The following SLC25A48 variants were observed in gnomAD, a reference collection of about 807,000 sequenced individuals.
The protein encoded by SLC25A48 is solute carrier family 25 member 48.
A neutral mutation model predicts 32.2 loss-of-function variants in SLC25A48; 29 were observed. That is an observed-to-expected ratio of 0.90 (90% CI 0.67 to 1.23). SLC25A48 has a LOEUF of 1.23. Among genes scored for constraint, SLC25A48 ranks in the 50% most tolerant of loss-of-function variants. The pLI is 0.00. For synonymous variants in SLC25A48, 164 were observed against 172.3 expected, an observed-to-expected ratio of 0.95 and a Z score of 0.38; for missense variants, 399 against 422.7, an observed-to-expected ratio of 0.94 and a Z score of 0.49.
chr5:135,860,196 C>T (rs1581012507), intron 4 of SLC25A48, among the ~76,000 whole-genome samples: 1 of 152,338 alleles, frequency 6.6e-6, no homozygotes, highest in East Asian at 1.9e-4. Context: ...ATAATTTTCT[C>T]ACTGATCTAA....
chr5:135,821,652 T>G (rs1222183784), intron 4 of SLC25A48: 2 of 152,194 alleles, frequency 1.3e-5, no homozygotes, highest in African/African-American at 4.8e-5. Context: ...TGGATTAAGC[T>G]GAATTAAGAG....
chr5:135,735,145 C>T (rs1248869154), intron 3 of SLC25A48, among the ~76,000 whole-genome samples: 1 of 152,150 alleles, frequency 6.6e-6, no homozygotes, highest in Non-Finnish European at 1.5e-5. Context: ...GAAGCAAGTT[C>T]CTTGGGGAGG....
chr5:135,744,617 G>T (rs984168787), intron 3 of SLC25A48, among the ~76,000 whole-genome samples: 1 of 151,900 alleles, frequency 6.6e-6, no homozygotes, highest in African/African-American at 2.4e-5. Context: ...GATTACAGGC[G>T]TGAGCCACCG....
intron 1 of SLC25A48, among the ~76,000 whole-genome samples, chr5:135,610,170 C>T (rs767903883): frequency 3.3e-5 from 5 of 152,082 alleles, no homozygotes; most frequent in Non-Finnish European, 7.4e-5. Flanking sequence ...AAGGGGGGCA[C>T]GGTGACCCTA....
intron 1 of SLC25A48, among the ~76,000 whole-genome samples, chr5:135,605,354 T>A (rs1408414329): frequency 6.6e-6 from 1 of 152,200 alleles, no homozygotes; most frequent in Non-Finnish European, 1.5e-5. Flanking sequence ...TCTGGAAACA[T>A]CCAAAGGATT....
intron 3 of SLC25A48, among the ~76,000 whole-genome samples, chr5:135,727,905 A>C (rs1755125860): frequency 6.6e-6 from 1 of 152,158 alleles, no homozygotes; most frequent in Admixed American, 6.5e-5. Context: ...AATCTTGCCT[A>C]TATCTACAAA....
chr5:135,817,690 C>G (rs1757761120), intron 4 of SLC25A48, among the ~76,000 whole-genome samples: 1 of 152,096 alleles, frequency 6.6e-6, no homozygotes, highest in Admixed American at 6.6e-5. Flanking sequence ...TTAAAATTTC[C>G]ATTTCCTAGA....
chr5:135,740,852 G>T (rs987966209), intron 3 of SLC25A48, among the ~76,000 whole-genome samples: 1 of 152,206 alleles, frequency 6.6e-6, no homozygotes, highest in Non-Finnish European at 1.5e-5. Context: ...AACTCTGCAT[G>T]CCTTGCCTCT....
At chr5:135,768,222 AC>A (rs1274944776) in intron 3 of SLC25A48, among the ~76,000 whole-genome samples, 2 of 137,920 alleles carry the variant, frequency 1.5e-5, no homozygotes, top group Non-Finnish European at 3.1e-5. Context: ...TTTTCATAAT[AC>A]TCAGCGGGAA....
intron 3 of SLC25A48, among the ~76,000 whole-genome samples, chr5:135,658,506 G>A (rs1240931160): frequency 5.9e-5 from 9 of 152,188 alleles, no homozygotes; most frequent in East Asian, 1.9e-4. Flanking sequence ...CATGGTGCAA[G>A]CTATTGGTGG....
At chr5:135,585,217 C>T (rs1325900232) in intron 1 of SLC25A48, among the ~76,000 whole-genome samples, 1 of 152,224 alleles carries the variant, frequency 6.6e-6, no homozygotes, top group Admixed American at 6.5e-5. Flanking sequence ...CCTCATTCTG[C>T]TCTGCCCCAC....
intron 3 of SLC25A48, chr5:135,746,132 T>C (rs1430114022): frequency 1.3e-5 from 2 of 152,926 alleles, no homozygotes; most frequent in African/African-American, 4.8e-5. Flanking sequence ...CTCCTCTCCG[T>C]ATACAATACC....
At chr5:135,842,572 C>G (rs1234347704) in intron 2 of SLC25A48, 113 bp downstream of exon 2, 1 of 1,113,096 alleles carries the variant, frequency 9.0e-7, no homozygotes, top group Non-Finnish European at 1.3e-6. Flanking sequence ...CCAGGGCAGA[C>G]TCTCTGTTGC....
intron 3 of SLC25A48, among the ~76,000 whole-genome samples, chr5:135,761,006 G>A (rs1320063301): frequency 6.6e-6 from 1 of 152,084 alleles, no homozygotes; most frequent in Non-Finnish European, 1.5e-5. Context: ...TCCAAATAAT[G>A]TATTTAACAT....
rs115224749 is a variant in SLC25A48, at chr5:135,676,817, A to G, written c.-521+41861A>G. On this transcript the variant is annotated intron_variant, in intron 3 of 10. Transcript: ENST00000646290. The stretch of plus-strand genomic sequence containing the variant: ...TTCTAGGTCACTATAGTCTGAGACA[A>G]TACTTGATATGATTTTGATTTTTAA... Among the ~76,000 whole-genome samples, 1,464 of 152,136 alleles carry G rather than the reference A, an allele frequency of 9.6e-3. 29 individuals carry two copies. The highest frequency in any genetic ancestry group is 0.033 in the African/African-American group (1,376 of 41,566).
intron 3 of SLC25A48, among the ~76,000 whole-genome samples, chr5:135,685,021 G>A (rs1753985230): frequency 6.6e-6 from 1 of 152,092 alleles, no homozygotes; most frequent in Non-Finnish European, 1.5e-5. Context: ...ACACTCTCAC[G>A]AGCAGTGTAT....
intron 3 of SLC25A48, among the ~76,000 whole-genome samples, chr5:135,776,445 A>G (rs1221624121): frequency 6.6e-6 from 1 of 151,834 alleles, no homozygotes; most frequent in Admixed American, 6.6e-5. Flanking sequence ...AGAGGATGAC[A>G]TTACTTATAA....
intron 1 of SLC25A48, among the ~76,000 whole-genome samples, chr5:135,841,831 G>A (rs944762497): frequency 1.3e-5 from 2 of 152,104 alleles, no homozygotes; most frequent in African/African-American, 4.8e-5. Context: ...GGTATGGAGA[G>A]GGTAACCCTC....
At chr5:135,814,957 G>A (rs973428598) in intron 4 of SLC25A48, among the ~76,000 whole-genome samples, 5 of 152,216 alleles carry the variant, frequency 3.3e-5, no homozygotes, top group African/African-American at 1.2e-4. Context: ...AGTACTGTGG[G>A]TTCTGCTAGA....
Sources: allele counts gnomAD v4.1 joint callset (sites outside exome capture counted in the v4.1 genomes callset), GRCh38; gene constraint gnomAD v4.1.1; transcripts MANE v1.5; gene names NCBI Gene and HGNC (gene_info 2026-07-23, HGNC 2026-07-21).